Variants in CEP170 observed in about 807,000 individuals in gnomAD.
CEP170 encodes centrosomal protein 170.
CEP170 carries 21 observed loss-of-function variants against 151.9 expected under a neutral mutation model. The ratio of observed to expected loss-of-function variants is 0.14; its 90% CI spans 0.10 to 0.20. CEP170 has a LOEUF of 0.20. Ranked by LOEUF, CEP170 falls within the 10% of genes least tolerant of loss-of-function variation. The pLI is 1.00. For synonymous variants in CEP170, 356 were observed against 648.8 expected (o/e 0.55, Z 6.86); for missense variants, 964 against 1,892.9 (o/e 0.51, Z 9.11).
chr1:243,176,183 T>C (rs1244222421), intron 10 of CEP170, among the ~76,000 whole-genome samples: 2 of 152,004 alleles, frequency 1.3e-5, no homozygotes, highest in Admixed American at 6.6e-5. Context: ...AAACATGAGA[T>C]AGTACAAAAT....
At chr1:243,152,521 ATTTTTTT>A (rs371392454) in intron 14 of CEP170, among the ~76,000 whole-genome samples, 7 of 54,952 alleles carry the variant, frequency 1.3e-4, no homozygotes, top group Admixed American at 6.3e-4. Flanking sequence ...GCGCCCAGCC[ATTTTTTT>A]TTTTTTTTTT....
chr1:243,209,181 TATTTC>T (rs1156292645), intron 4 of CEP170, among the ~76,000 whole-genome samples: 2 of 152,350 alleles, frequency 1.3e-5, no homozygotes, highest in South Asian at 4.1e-4. Flanking sequence ...CATTTTATTT[TATTTC>T]ATTTATTTAT....
Position 243,186,289 on chromosome 1 carries a change from C to T in CEP170, c.1242G>A (p.Gln414=). 1 of 1,613,742 alleles carries T rather than the reference C, an allele frequency of 6.2e-7. No homozygotes were observed. The highest frequency in any genetic ancestry group is 8.5e-7 in the Non-Finnish European group (1 of 1,179,714). ...CTTGGTCTTGATGCTTTTCAGTAGC[C>T]TGGACCTTCTGTAGCTTTTTGTGTT... The part of the protein sequence containing the change: ...HSEHKKLQKV[Q]ATEKHQDQAV... The change falls in exon 9 of 20, where the codon CAG becomes CAA. Residue 414 remains glutamine, a synonymous_variant. Coordinates refer to ENST00000366542, the MANE Select transcript of CEP170 (RefSeq NM_014812.3).
intron 1 of CEP170, among the ~76,000 whole-genome samples, chr1:243,234,451 C>G (rs1014857491): frequency 1.3e-5 from 2 of 152,006 alleles, no homozygotes; most frequent in East Asian, 1.9e-4. Context: ...CAATGAAAAT[C>G]TAAACAAAGG....
intron 14 of CEP170, among the ~76,000 whole-genome samples, chr1:243,151,492 G>A (rs1396581586): frequency 6.6e-6 from 1 of 151,818 alleles, no homozygotes; most frequent in Non-Finnish European, 1.5e-5. Flanking sequence ...GGTCTGGATA[G>A]AAGATCAAAC....
chr1:243,231,840 T>C (rs2063789805), intron 1 of CEP170, among the ~76,000 whole-genome samples: 1 of 152,226 alleles, frequency 6.6e-6, no homozygotes, highest in Non-Finnish European at 1.5e-5. Flanking sequence ...CTGGGTGCGG[T>C]GGCTCATGCC....
chr1:243,169,020 C>A (rs1429602505), intron 12 of CEP170, among the ~76,000 whole-genome samples: 1 of 150,274 alleles, frequency 6.7e-6, no homozygotes, highest in Non-Finnish European at 1.5e-5. Context: ...ATATGTGCTT[C>A]ATCTTTCTAT....
At chr1:243,249,803 G>A (rs1448830292) in intron 1 of CEP170, among the ~76,000 whole-genome samples, 1 of 152,150 alleles carries the variant, frequency 6.6e-6, no homozygotes, top group Non-Finnish European at 1.5e-5. Flanking sequence ...ACAAAACAAG[G>A]CCAGGCGCCA....
At chr1:243,253,029 C>G (rs1015107345) in intron 1 of CEP170, 7 of 152,082 alleles carry the variant, frequency 4.6e-5, no homozygotes, top group African/African-American at 1.4e-4. Context: ...TTATTTTTAA[C>G]ACAGCCTATA....
Position 243,165,856 on chromosome 1 carries a change from T to A in CEP170, c.2104A>T (p.Asn702Tyr). Residue 702 changes from asparagine to tyrosine, a missense_variant, in exon 13 of 20, where the codon AAC becomes TAC. Coordinates refer to ENST00000366542, the MANE Select transcript of CEP170 (RefSeq NM_014812.3). ...AGAGTCTCTCCATTTACTGCCCTGT[T>A]CATTTTACTCAAGGGTCTGTCAGCA... The part of the protein sequence containing the change: ...QDADRPLSKM[N>Y]RAVNGETLKT... 1 of 1,613,988 alleles carries A rather than the reference T, an allele frequency of 6.2e-7. No individual in the cohort carries two copies. Among genetic ancestry groups the A allele is most frequent in the Non-Finnish European group, 8.5e-7 (1 of 1,179,860 alleles).
chr1:243,142,595 T>C (rs2055977945), intron 14 of CEP170, 132 bp from the exon 15 acceptor site: 1 of 617,496 alleles, frequency 1.6e-6, no homozygotes, highest in African/African-American at 1.9e-5. Flanking sequence ...AACTATTAAC[T>C]ATTTTGATAA....
intron 1 of CEP170, among the ~76,000 whole-genome samples, chr1:243,233,051 T>G (rs900263472): frequency 2.0e-5 from 3 of 152,226 alleles, no homozygotes; most frequent in Non-Finnish European, 4.4e-5. Flanking sequence ...CAATTCAATC[T>G]AGCCATTAAA....
At chr1:243,231,784 T>C (rs912598016) in intron 1 of CEP170, among the ~76,000 whole-genome samples, 1 of 152,090 alleles carries the variant, frequency 6.6e-6, no homozygotes, top group African/African-American at 2.4e-5. Flanking sequence ...AAAAAACACA[T>C]ACAGAAGACA....
chr1:243,225,325 A>G lies in CEP170; in HGVS notation c.-41-4T>C. ...TCTTTGGCAAAGCTACGTCATCCTG[A>G]AGAGAAACATGAAGAAAAATATACG... On this transcript the variant is annotated splice_region_variant and splice_polypyrimidine_tract_variant and intron_variant, in intron 1 of 19. Transcript: ENST00000366542. 1 of 1,219,090 alleles carries G rather than the reference A, an allele frequency of 8.2e-7. No homozygotes were observed. The highest frequency in any genetic ancestry group is 1.5e-5 in the South Asian group (1 of 68,584). The allele number at this position is 1,219,090 out of a possible 1,614,324, so 75.5% of individuals were successfully genotyped here.
At position 243,156,474 on chromosome 1, in the gene CEP170, TA is replaced by T. The variant is rs1558442000; in HGVS notation, c.3677-20del. On this transcript the variant is annotated intron_variant, in intron 13 of 19. Coordinates refer to ENST00000366542, the MANE Select transcript of CEP170 (RefSeq NM_014812.3). Reference sequence around the variant, plus strand: ...GAATTTACTAAATTAGTTTAATTATTAAAAAAAGAATTATTATGTTATCATT... The same window carrying T: ...GAATTTACTAAATTAGTTTAATTATTAAAAAAGAATTATTATGTTATCATT... 6.6e-7 allele frequency: 1 copy of T among 1,519,830 alleles called. No homozygotes were observed. Among genetic ancestry groups the T allele is most frequent in the Non-Finnish European group, 8.8e-7 (1 of 1,132,778 alleles). The allele number at this position is 1,519,830 out of a possible 1,614,324, so 94.1% of individuals were successfully genotyped here. A position where few individuals can be genotyped will look rare whatever the true frequency, so the allele number is the denominator to read the frequency against.
intron 13 of CEP170, among the ~76,000 whole-genome samples, chr1:243,161,269 C>G (rs1029584331): frequency 1.3e-5 from 2 of 150,616 alleles, no homozygotes; most frequent in Non-Finnish European, 2.9e-5. Context: ...TGCCATTACA[C>G]TCCAGCCTGG....
intron 1 of CEP170, among the ~76,000 whole-genome samples, chr1:243,236,044 CTT>C (rs2064219928): frequency 6.6e-6 from 1 of 152,186 alleles, no homozygotes; most frequent in South Asian, 2.1e-4. Flanking sequence ...AATCAATTGA[CTT>C]AGATTCAGAC....
chr1:243,254,340 G>A (rs2066315029), intron 1 of CEP170: 1 of 152,086 alleles, frequency 6.6e-6, no homozygotes, highest in African/African-American at 2.4e-5. Context: ...TAAAATGGAA[G>A]CGAAACGTAC....
At chr1:243,138,869 C>A (rs1459425691) in intron 16 of CEP170, among the ~76,000 whole-genome samples, 1 of 152,130 alleles carries the variant, frequency 6.6e-6, no homozygotes, top group Non-Finnish European at 1.5e-5. Flanking sequence ...TTATTTTCAA[C>A]TTTAGGAGAT....
Sources: gnomAD v4.1 joint callset for allele counts (sites outside exome capture counted in the v4.1 genomes callset) on GRCh38, gnomAD v4.1.1 for gene constraint, MANE v1.5 for transcripts, NCBI Gene and HGNC (gene_info 2026-07-23, HGNC 2026-07-21) for gene names.